Variants in NEDD4 observed in about 807,000 individuals in gnomAD.
The protein encoded by NEDD4 is NEDD4 E3 ubiquitin protein ligase, also known as E3 ubiquitin-protein ligase NEDD4.
NEDD4 carries 99 observed loss-of-function variants against 144.9 expected under a neutral mutation model. That is an observed-to-expected ratio of 0.68 (90% confidence interval 0.58 to 0.81). The LOEUF (loss-of-function observed/expected upper bound fraction) is 0.81, where lower values mean the gene tolerates loss of function less well. NEDD4 is among the 30% of genes least tolerant of loss of function. NEDD4 has a pLI of 0.00. For missense variants in NEDD4, 985 were observed against 1,065.9 expected (o/e 0.92, Z 1.06); for synonymous variants, 318 against 350.6 (o/e 0.91, Z 1.04).
At chr15:55,845,527 T>C (rs867074087) in intron 18 of NEDD4, among the ~76,000 whole-genome samples, 2 of 133,988 alleles carry the variant, frequency 1.5e-5, no homozygotes, top group African/African-American at 5.0e-5. Flanking sequence ...TTTATCATGG[T>C]TTTTTTTTTG....
At chr15:55,955,115 G>A (rs1026457506) in intron 2 of NEDD4, among the ~76,000 whole-genome samples, 1 of 151,276 alleles carries the variant, frequency 6.6e-6, no homozygotes, top group Non-Finnish European at 1.5e-5. Context: ...TCTGCCTCCC[G>A]GGCTCAAGCA....
At position 55,869,637 on chromosome 15, in the gene NEDD4, T is replaced by G; in HGVS notation, c.449A>C (p.Tyr150Ser). Residue 150 changes from tyrosine (Y) to serine (S), a missense_variant, in exon 8 of 29, where the codon TAT becomes TCT. Transcript: ENST00000435532. ...TTCTGAGCCACTGGTTTTAGGTAAATAAGTCATTTTTAGTCTCAGATAACC... is the reference window on the plus strand; with the variant it reads ...TTCTGAGCCACTGGTTTTAGGTAAAGAAGTCATTTTTAGTCTCAGATAACC... ...VKGYLRLKMT[Y>S]LPKTSGSEDD... 6.3e-7 allele frequency: 1 copy of G among 1,580,786 alleles called. No homozygotes were observed. Among genetic ancestry groups the G allele is most frequent in the South Asian group, 1.2e-5 (1 of 86,534 alleles).
chr15:55,886,279 T>C (rs992989460), intron 5 of NEDD4, among the ~76,000 whole-genome samples: 13 of 152,196 alleles, frequency 8.5e-5, no homozygotes, highest in African/African-American at 2.2e-4. Flanking sequence ...ACTTTCAGCA[T>C]TGGACAGATA....
chr15:55,907,805 T>C (rs1338234632), intron 5 of NEDD4, among the ~76,000 whole-genome samples: 1 of 152,246 alleles, frequency 6.6e-6, no homozygotes, highest in African/African-American at 2.4e-5. Flanking sequence ...ATGGCTTTTG[T>C]CTGAATACCC....
intron 1 of NEDD4, among the ~76,000 whole-genome samples, chr15:55,970,925 C>T (rs2037597052): frequency 6.6e-6 from 1 of 152,164 alleles, no homozygotes; most frequent in African/African-American, 2.4e-5. Flanking sequence ...ACAACATGAT[C>T]TCACCAAACA....
intron 1 of NEDD4, among the ~76,000 whole-genome samples, chr15:55,985,258 G>A (rs2037871208): frequency 6.6e-6 from 1 of 152,234 alleles, no homozygotes; most frequent in Non-Finnish European, 1.5e-5. Flanking sequence ...CTGGCGCAGA[G>A]CAGTCAATCA....
intron 4 of NEDD4, among the ~76,000 whole-genome samples, chr15:55,926,833 A>G (rs1400947264): frequency 1.3e-5 from 2 of 152,020 alleles, no homozygotes; most frequent in Non-Finnish European, 2.9e-5. Context: ...CCCAGCACTT[A>G]AGGAGGTCAA....
At chr15:55,942,430 G>T (rs73418142) in intron 4 of NEDD4, among the ~76,000 whole-genome samples, 2,620 of 152,262 alleles carry the variant, frequency 0.017, 68 homozygotes, top group African/African-American at 0.059. Flanking sequence ...ACCGGATCAC[G>T]GAGGCAGACT....
intron 11 of NEDD4, among the ~76,000 whole-genome samples, chr15:55,856,520 T>G (rs1000495448): frequency 1.3e-5 from 2 of 152,236 alleles, no homozygotes; most frequent in African/African-American, 4.8e-5. Flanking sequence ...GTTTCATCTT[T>G]TGTCACTTTG....
intron 2 of NEDD4, among the ~76,000 whole-genome samples, chr15:55,958,028 T>A (rs1225853378): frequency 6.6e-6 from 1 of 151,978 alleles, no homozygotes; most frequent in African/African-American, 2.4e-5. Flanking sequence ...AAACGATGAG[T>A]TGATGGGTGC....
At chr15:55,986,756 A>ATTT (rs35732139) in intron 1 of NEDD4, among the ~76,000 whole-genome samples, 12 of 144,456 alleles carry the variant, frequency 8.3e-5, no homozygotes, top group Admixed American at 1.4e-4. Context: ...CACCCGGCTA[A>ATTT]TTTTTTTTTT....
chr15:55,873,775 A>C (rs1462781406), intron 6 of NEDD4, among the ~76,000 whole-genome samples, 183 bp downstream of exon 6: 1 of 152,226 alleles, frequency 6.6e-6, no homozygotes, highest in Non-Finnish European at 1.5e-5. Flanking sequence ...TCATGAACGG[A>C]AATCTTAAAG....
intron 5 of NEDD4, among the ~76,000 whole-genome samples, chr15:55,879,739 A>C (rs2035116995): frequency 6.6e-6 from 1 of 152,208 alleles, no homozygotes; most frequent in Non-Finnish European, 1.5e-5. Context: ...TTAGAGGACA[A>C]GAAATATCTC....
At chr15:55,944,069 T>C (rs1300253742) in intron 4 of NEDD4, among the ~76,000 whole-genome samples, 1 of 152,178 alleles carries the variant, frequency 6.6e-6, no homozygotes, top group Non-Finnish European at 1.5e-5. Flanking sequence ...CCGGTATGAT[T>C]GACGCAGAAG....
rs1170777303 is a variant in NEDD4 at position 55,856,281 on chromosome 15, T to A, written c.961-85A>T. 1.6e-5 allele frequency: 19 copies of A among 1,171,914 alleles called. No individual in the cohort carries two copies. The African/African-American group carries it at 2.8e-4, about 17-fold the overall frequency. The allele number at this position is 1,171,914 out of a possible 1,614,324, so 72.6% of individuals were successfully genotyped here. On this transcript the variant is annotated intron_variant, in intron 11 of 28. Coordinates refer to ENST00000435532, the MANE Select transcript of NEDD4 (RefSeq NM_006154.4). ...ACAGCTAAGGTAGTGAGGGTAAATA[T>A]GACAGGGCAGAAGAGAGAAGGCTGG...
At chr15:55,895,877 C>T (rs67974830) in intron 5 of NEDD4, among the ~76,000 whole-genome samples, 21,753 of 152,082 alleles carry the variant, frequency 0.14, 1,697 homozygotes, top group East Asian at 0.36. Context: ...TCCTACAGAA[C>T]TTTAGGAACT....
At chr15:55,914,567 A>C (rs1346117354) in intron 5 of NEDD4, among the ~76,000 whole-genome samples, 1 of 151,972 alleles carries the variant, frequency 6.6e-6, no homozygotes, top group Non-Finnish European at 1.5e-5. Context: ...CTTAGAATTC[A>C]ATATTGTTGA....
At chr15:55,895,701 G>C (rs1409203913) in intron 5 of NEDD4, among the ~76,000 whole-genome samples, 1 of 152,174 alleles carries the variant, frequency 6.6e-6, no homozygotes, top group African/African-American at 2.4e-5. Context: ...TGATACTAAT[G>C]CATCTGGCCA....
intron 1 of NEDD4, among the ~76,000 whole-genome samples, chr15:55,989,478 G>A (rs1261313775): frequency 7.9e-5 from 12 of 152,166 alleles, no homozygotes; most frequent in African/African-American, 2.9e-4. Context: ...TTTGTTCCCA[G>A]ACTGAGTAAG....
Sources: allele counts gnomAD v4.1 joint callset (sites outside exome capture counted in the v4.1 genomes callset), GRCh38; gene constraint gnomAD v4.1.1; transcripts MANE v1.5; gene names NCBI Gene and HGNC (gene_info 2026-07-23, HGNC 2026-07-21).